The following MAP7 variants were observed in gnomAD, a reference collection of about 807,000 sequenced individuals.
The protein encoded by MAP7 is microtubule associated protein 7.
In MAP7, 52 loss-of-function variants were observed where a neutral mutation model predicts 94.8. That is an observed-to-expected ratio of 0.55 (90% CI 0.44 to 0.69). MAP7 has a LOEUF of 0.69. Among genes scored for constraint, MAP7 ranks in the 30% least tolerant of loss-of-function variants. MAP7 has a pLI of 0.00. For missense variants in MAP7, 940 were observed against 964.6 expected (o/e 0.97, Z 0.34); for synonymous variants, 350 against 357.0 (o/e 0.98, Z 0.22).
intron 1 of MAP7, among the ~76,000 whole-genome samples, chr6:136,481,411 T>C (rs1047022791): frequency 6.6e-6 from 1 of 152,184 alleles, no homozygotes; most frequent in Non-Finnish European, 1.5e-5. Context: ...GTGGTATGTA[T>C]GCACAATGGA....
intron 1 of MAP7, among the ~76,000 whole-genome samples, chr6:136,524,683 T>A (rs1248786180): frequency 6.6e-6 from 1 of 152,274 alleles, no homozygotes; most frequent in Non-Finnish European, 1.5e-5. Flanking sequence ...CTTTTGGATT[T>A]AATGTAGACA....
chr6:136,366,860 C>T (rs1330110397), intron 8 of MAP7, among the ~76,000 whole-genome samples: 1 of 152,010 alleles, frequency 6.6e-6, no homozygotes, highest in Non-Finnish European at 1.5e-5. Context: ...ACATTTTCCC[C>T]CCAAACACAC....
intron 1 of MAP7, among the ~76,000 whole-genome samples, chr6:136,429,286 G>C (rs1794200302): frequency 6.6e-6 from 1 of 152,148 alleles, no homozygotes; most frequent in African/African-American, 2.4e-5. Context: ...AGGAATTAGA[G>C]TGACACTCTG....
intron 1 of MAP7, among the ~76,000 whole-genome samples, chr6:136,538,064 G>A (rs1450018579): frequency 1.3e-5 from 2 of 152,208 alleles, no homozygotes; most frequent in Non-Finnish European, 2.9e-5. Flanking sequence ...TTACAGGCGT[G>A]AGCCACCATG....
At chr6:136,374,074 GGT>G (rs1228284558) in intron 7 of MAP7, among the ~76,000 whole-genome samples, 2 of 152,140 alleles carry the variant, frequency 1.3e-5, no homozygotes, top group Admixed American at 1.3e-4. Context: ...ATTGGAAACC[GGT>G]CTCTTTTCCC....
intron 1 of MAP7, among the ~76,000 whole-genome samples, chr6:136,507,475 C>CAAAAAAAAAA (rs10711278): frequency 1.1e-5 from 1 of 87,258 alleles, no homozygotes; most frequent in African/African-American, 3.6e-5. Context: ...AGAAGATTCT[C>CAAAAAAAAAA]AAAAAAAAAA....
At chr6:136,402,599 G>T (rs933048909) in intron 3 of MAP7, among the ~76,000 whole-genome samples, 2 of 152,130 alleles carry the variant, frequency 1.3e-5, no homozygotes, top group Non-Finnish European at 2.9e-5. Flanking sequence ...TAGGCTGAAT[G>T]ATTTTTCAAA....
chr6:136,383,974 A>G (rs1778487210), intron 5 of MAP7, among the ~76,000 whole-genome samples, 193 bp from the exon 6 acceptor site: 1 of 152,236 alleles, frequency 6.6e-6, no homozygotes, highest in South Asian at 2.1e-4. Context: ...TTTCTCTTAA[A>G]GGATAAAATA....
intron 1 of MAP7, among the ~76,000 whole-genome samples, chr6:136,438,622 C>T (rs903405678): frequency 2.0e-5 from 3 of 152,092 alleles, no homozygotes; most frequent in African/African-American, 2.4e-5. Context: ...AGTTCAGCCA[C>T]GCGTGGGCAA....
chr6:136,469,161 T>C (rs1808128712), intron 1 of MAP7, among the ~76,000 whole-genome samples: 1 of 152,116 alleles, frequency 6.6e-6, no homozygotes, highest in South Asian at 2.1e-4. Context: ...TCTTAAACTG[T>C]ACACTGCACA....
intron 1 of MAP7, among the ~76,000 whole-genome samples, chr6:136,501,282 A>G (rs964966844): frequency 1.3e-5 from 2 of 152,206 alleles, no homozygotes; most frequent in Non-Finnish European, 2.9e-5. Flanking sequence ...TTCCCTCATG[A>G]AAAGCACTCA....
At chr6:136,544,605 T>C (rs1429164500) in intron 1 of MAP7, among the ~76,000 whole-genome samples, 3 of 152,126 alleles carry the variant, frequency 2.0e-5, no homozygotes, top group Admixed American at 6.5e-5. Flanking sequence ...CCCTTTGTGG[T>C]TTTTCTGAGC....
At chr6:136,395,999 G>A (rs959517754) in intron 3 of MAP7, among the ~76,000 whole-genome samples, 5 of 152,090 alleles carry the variant, frequency 3.3e-5, no homozygotes, top group Admixed American at 2.0e-4. Context: ...CAGGTCGTAC[G>A]ATGCCTCCAG....
chr6:136,461,625 C>T (rs889685334), intron 1 of MAP7, among the ~76,000 whole-genome samples: 2 of 152,098 alleles, frequency 1.3e-5, no homozygotes, highest in Admixed American at 6.6e-5. Flanking sequence ...TAATGGGTTA[C>T]GATCCAGAAA....
intron 3 of MAP7, among the ~76,000 whole-genome samples, chr6:136,401,111 G>C (rs1043262095): frequency 6.6e-6 from 1 of 152,172 alleles, no homozygotes; most frequent in African/African-American, 2.4e-5. Flanking sequence ...CACTTTGGGA[G>C]GCCAAGGTGG....
chr6:136,443,761 T>C (rs1798547662), intron 1 of MAP7, among the ~76,000 whole-genome samples: 1 of 152,158 alleles, frequency 6.6e-6, no homozygotes, highest in South Asian at 2.1e-4. Context: ...CCTTCTACTT[T>C]CGTAAGGCAC....
chr6:136,431,523 TA>T (rs1157633923), intron 1 of MAP7, among the ~76,000 whole-genome samples: 1 of 145,036 alleles, frequency 6.9e-6, no homozygotes, highest in African/African-American at 2.7e-5. Context: ...TTTATTTATT[TA>T]TTTAATTTTT....
intron 1 of MAP7, among the ~76,000 whole-genome samples, chr6:136,449,868 T>G (rs983211729): frequency 6.6e-6 from 1 of 152,170 alleles, no homozygotes; most frequent in Admixed American, 6.5e-5. Context: ...CAAAGGAACC[T>G]GAATAAATGC....
At chr6:136,463,283 G>A (rs1242700548) in intron 1 of MAP7, among the ~76,000 whole-genome samples, 1 of 152,048 alleles carries the variant, frequency 6.6e-6, no homozygotes, top group Non-Finnish European at 1.5e-5. Flanking sequence ...TAAATACTTT[G>A]TCTCATTCAA....
Sources: gnomAD v4.1 joint callset for allele counts (sites outside exome capture counted in the v4.1 genomes callset) on GRCh38, gnomAD v4.1.1 for gene constraint, MANE v1.5 for transcripts, NCBI Gene and HGNC (gene_info 2026-07-23, HGNC 2026-07-21) for gene names.